HDAC9: variants seen among roughly 807,000 people sequenced by gnomAD.
HDAC9 encodes the protein MEF-2 interacting transcription repressor (MITR) protein.
A neutral mutation model predicts 139.4 loss-of-function variants in HDAC9; 41 were observed. The observed-to-expected ratio is 0.29, with a 90% CI of 0.23 to 0.38. The LOEUF (loss-of-function observed/expected upper bound fraction) is 0.38, where lower values mean the gene tolerates loss of function less well. Ranked by LOEUF, HDAC9 falls within the 10% of genes least tolerant of loss-of-function variation. The pLI, the probability that HDAC9 is intolerant of heterozygous loss-of-function variation, is 1.00. For synonymous variants in HDAC9, 517 were observed against 476.2 expected (o/e 1.09, Z -1.12); for missense variants, 1,147 against 1,297.0 (o/e 0.88, Z 1.78).
intron 6 of HDAC9, among the ~76,000 whole-genome samples, chr7:18,626,007 C>G (rs1232231042): frequency 1.4e-5 from 2 of 146,152 alleles, no homozygotes; most frequent in African/African-American, 5.1e-5. Flanking sequence ...AGGATCCTGG[C>G]AGGGAACAGA....
chr7:18,525,679 T>C (rs564199094), intron 2 of HDAC9, among the ~76,000 whole-genome samples: 1 of 152,274 alleles, frequency 6.6e-6, no homozygotes, highest in African/African-American at 2.4e-5. Context: ...TGCTGAAACA[T>C]AGAATATATT....
chr7:18,825,580 C>G (rs1585108001), intron 17 of HDAC9, among the ~76,000 whole-genome samples: 1 of 151,830 alleles, frequency 6.6e-6, no homozygotes, highest in South Asian at 2.1e-4. Flanking sequence ...ATAACTGAAG[C>G]AGACATGAGG....
chr7:18,993,536 G>A (rs1408486044), intron 25 of HDAC9, among the ~76,000 whole-genome samples: 7 of 152,118 alleles, frequency 4.6e-5, no homozygotes, highest in East Asian at 1.9e-4. Context: ...ACATGGTGGC[G>A]TACCCCTGTA....
intron 1 of HDAC9, among the ~76,000 whole-genome samples, chr7:18,465,288 C>T (rs930236583): frequency 6.6e-6 from 1 of 151,824 alleles, no homozygotes; most frequent in Non-Finnish European, 1.5e-5. Flanking sequence ...TTTTAAATTG[C>T]TTATAGGTTC....
chr7:18,724,462 C>G (rs935905697), intron 12 of HDAC9, among the ~76,000 whole-genome samples: 1 of 152,112 alleles, frequency 6.6e-6, no homozygotes, highest in Non-Finnish European at 1.5e-5. Flanking sequence ...CTGGATAAGG[C>G]ACTTAGAATG....
At chr7:18,947,808 A>C (rs1782507995) in intron 23 of HDAC9, among the ~76,000 whole-genome samples, 1 of 151,990 alleles carries the variant, frequency 6.6e-6, no homozygotes, top group Admixed American at 6.6e-5. Context: ...ACAAGAAAGG[A>C]ATATTATAAG....
intron 2 of HDAC9, among the ~76,000 whole-genome samples, chr7:18,513,467 G>A (rs1802189753): frequency 6.6e-6 from 1 of 152,196 alleles, no homozygotes; most frequent in African/African-American, 2.4e-5. Flanking sequence ...AAGACCAATG[G>A]AGAAGTGACT....
At chr7:18,327,978 G>C (rs1430184682) in intron 1 of HDAC9, among the ~76,000 whole-genome samples, 1 of 151,822 alleles carries the variant, frequency 6.6e-6, no homozygotes, top group African/African-American at 2.4e-5. Context: ...CATACCAATT[G>C]GAAAAATCTA....
chr7:18,278,154 G>A (rs947956890), intron 2 of HDAC9, among the ~76,000 whole-genome samples: 15 of 152,080 alleles, frequency 9.9e-5, no homozygotes, highest in Middle Eastern at 3.2e-3. Context: ...TAAATTTTCC[G>A]AGCATTTAGA....
chr7:18,660,607 A>G (rs1181107152), intron 11 of HDAC9, among the ~76,000 whole-genome samples: 4 of 152,188 alleles, frequency 2.6e-5, no homozygotes, highest in Non-Finnish European at 5.9e-5. Flanking sequence ...TATATTGTAA[A>G]CAAAGATAGC....
chr7:18,605,673 G>C (rs2519889), intron 6 of HDAC9, among the ~76,000 whole-genome samples: 52,085 of 151,792 alleles, frequency 0.34, 10,992 homozygotes, highest in South Asian at 0.5. Flanking sequence ...TGGGCCCCTG[G>C]AGTTTTGTTT....
At chr7:18,572,464 A>G (rs547062617) in intron 2 of HDAC9, among the ~76,000 whole-genome samples, 1 of 151,846 alleles carries the variant, frequency 6.6e-6, no homozygotes, top group East Asian at 2.0e-4. Flanking sequence ...TCTGTGACCT[A>G]GAAGAATATA....
At chr7:18,476,724 A>G (rs1301141952) in intron 1 of HDAC9, among the ~76,000 whole-genome samples, 1 of 152,210 alleles carries the variant, frequency 6.6e-6, no homozygotes, top group African/African-American at 2.4e-5. Context: ...CCTAGAAGGC[A>G]ATAAACTTAT....
intron 17 of HDAC9, among the ~76,000 whole-genome samples, chr7:18,822,015 C>T (rs1022350619): frequency 6.6e-6 from 1 of 150,942 alleles, no homozygotes; most frequent in Non-Finnish European, 1.5e-5. Context: ...TCCAAGTGTG[C>T]CACCCTTGCA....
At chr7:18,638,377 A>G (rs1784540333) in intron 8 of HDAC9, among the ~76,000 whole-genome samples, 2 of 152,110 alleles carry the variant, frequency 1.3e-5, no homozygotes, top group Admixed American at 1.3e-4. Context: ...TAAAGGGAAG[A>G]CAGAAGTAGG....
chr7:18,263,369 A>G (rs1795799596), intron 2 of HDAC9, among the ~76,000 whole-genome samples: 1 of 152,168 alleles, frequency 6.6e-6, no homozygotes, highest in Admixed American at 6.5e-5. Flanking sequence ...ACTCTGGTCC[A>G]CAGCTTGATT....
chr7:18,734,867 T>C (rs892706366), intron 13 of HDAC9, among the ~76,000 whole-genome samples: 1 of 152,224 alleles, frequency 6.6e-6, no homozygotes, highest in African/African-American at 2.4e-5. Context: ...TGTAAAAGCA[T>C]TCCTACTTCT....
chr7:18,429,452 A>C (rs1466117327), intron 1 of HDAC9: 1 of 152,126 alleles, frequency 6.6e-6, no homozygotes, highest in Non-Finnish European at 1.5e-5. Context: ...ACCCATTTTT[A>C]TAGAAAAGTT....
intron 22 of HDAC9, among the ~76,000 whole-genome samples, chr7:18,882,969 A>C (rs1201359424): frequency 6.6e-6 from 1 of 152,168 alleles, no homozygotes; most frequent in African/African-American, 2.4e-5. Flanking sequence ...CAGTTTAGCA[A>C]AATAAGTGCC....
Sources: gnomAD v4.1 joint callset for allele counts (sites outside exome capture counted in the v4.1 genomes callset) on GRCh38, gnomAD v4.1.1 for gene constraint, MANE v1.5 for transcripts, NCBI Gene and HGNC (gene_info 2026-07-23, HGNC 2026-07-21) for gene names.